The following EDNRA variants were observed in gnomAD, a reference collection of about 807,000 sequenced individuals.
EDNRA encodes endothelin receptor type A.
A neutral mutation model predicts 41.4 loss-of-function variants in EDNRA; 11 were observed. That is an observed-to-expected ratio of 0.27 (90% CI 0.17 to 0.44). The LOEUF (loss-of-function observed/expected upper bound fraction) is 0.44, where lower values mean the gene tolerates loss of function less well. Among genes scored for constraint, EDNRA ranks in the 20% least tolerant of loss-of-function variants. The pLI is 1.00. For missense variants in EDNRA, 294 were observed against 531.0 expected, an observed-to-expected ratio of 0.55 and a Z score of 4.39; for synonymous variants, 172 against 183.0, an observed-to-expected ratio of 0.94 and a Z score of 0.49.
chr4:147,527,782 A>G (rs1730605831), intron 3 of EDNRA, among the ~76,000 whole-genome samples: 1 of 152,158 alleles, frequency 6.6e-6, no homozygotes, highest in Admixed American at 6.5e-5. Context: ...CTATCACATG[A>G]CAGGGTACAA....
intron 2 of EDNRA, chr4:147,506,637 CA>C: frequency 9.3e-6 from 3 of 320,970 alleles, no homozygotes; most frequent in African/African-American, 2.2e-5. Flanking sequence ...GTGGACATCA[CA>C]AAACAACCTG....
intron 4 of EDNRA, 98 bp from the exon 5 acceptor site, chr4:147,535,779 C>T (rs563669231): frequency 3.5e-5 from 50 of 1,438,194 alleles, no homozygotes; most frequent in Non-Finnish European, 4.5e-5. Flanking sequence ...ACAGATGTAT[C>T]TGCAAGTTTA....
chr4:147,518,193 T>C (rs1730181893), intron 2 of EDNRA, among the ~76,000 whole-genome samples: 1 of 152,194 alleles, frequency 6.6e-6, no homozygotes, highest in Admixed American at 6.5e-5. Context: ...AGTTTTCAGG[T>C]TTTCTTGTTT....
chr4:147,517,381 A>G (rs1215629314), intron 2 of EDNRA, among the ~76,000 whole-genome samples: 1 of 152,172 alleles, frequency 6.6e-6, no homozygotes, highest in Non-Finnish European at 1.5e-5. Flanking sequence ...GAAGAGATTA[A>G]CAAGCGGGTT....
rs375940788 is a variant in EDNRA, at chr4:147,541,636, A to T, written c.1144-842A>T. On this transcript the variant is annotated intron_variant, in intron 7 of 7. Transcript: ENST00000651419. ...GGGACAGAGTAGAGAGGAAAAACAC[A>T]GTAACGACCTGCATGGAACTTACAG... is the stretch of plus-strand genomic sequence containing the variant. Among the ~76,000 whole-genome samples the T allele has an allele frequency of 1.3e-5, 2 of 152,222 alleles. 1 individual carries two copies. The highest frequency in any genetic ancestry group is 4.8e-5 in the African/African-American group (2 of 41,460).
chr4:147,505,326 C>CTTTTTTTTTTTTTTTTTTT (rs1729660192), intron 2 of EDNRA, among the ~76,000 whole-genome samples: 20 of 81,996 alleles, frequency 2.4e-4, no homozygotes, highest in African/African-American at 1.0e-3. Context: ...TTTCTTTTTT[C>CTTTTTTTTTTTTTTTTTTT]ATTTTTTTTT....
chr4:147,533,007 G>A (rs1469859219), intron 4 of EDNRA, among the ~76,000 whole-genome samples: 1 of 129,306 alleles, frequency 7.7e-6, no homozygotes, highest in African/African-American at 3.5e-5. Context: ...GTGTGTGTAT[G>A]TGTGTGTGTG....
chr4:147,535,671 G>A (rs1730895102), intron 4 of EDNRA, among the ~76,000 whole-genome samples: 1 of 152,082 alleles, frequency 6.6e-6, no homozygotes, highest in Non-Finnish European at 1.5e-5. Flanking sequence ...GTTTCTTTAT[G>A]TGCTGTTTAA....
chr4:147,508,734 C>T (rs1468056597), intron 2 of EDNRA, among the ~76,000 whole-genome samples: 1 of 152,104 alleles, frequency 6.6e-6, no homozygotes, highest in African/African-American at 2.4e-5. Flanking sequence ...TTGCCTTGGA[C>T]CTTTATTAAA....
intron 2 of EDNRA, among the ~76,000 whole-genome samples, chr4:147,487,253 G>A (rs1728980399): frequency 6.6e-6 from 1 of 152,084 alleles, no homozygotes. Flanking sequence ...AGATTTGGAG[G>A]GGACAAACAT....
chr4:147,523,647 C>T (rs558982023), intron 3 of EDNRA, among the ~76,000 whole-genome samples: 41 of 151,916 alleles, frequency 2.7e-4, no homozygotes, highest in African/African-American at 8.4e-4. Flanking sequence ...CCCACCACCA[C>T]GCCCGGCTTA....
At chr4:147,482,326 G>C (rs1728792984) in intron 1 of EDNRA, among the ~76,000 whole-genome samples, 1 of 152,222 alleles carries the variant, frequency 6.6e-6, no homozygotes, top group South Asian at 2.1e-4. Context: ...AATGGTTAAA[G>C]TGTAAGCGTA....
Position 147,535,943 on chromosome 4 carries a change from G to T in EDNRA, c.814G>T (p.Ala272Ser). 6.2e-7 allele frequency: 1 copy of T among 1,613,458 alleles called. No individual in the cohort carries two copies. Among genetic ancestry groups the T allele is most frequent in the Non-Finnish European group, 8.5e-7 (1 of 1,179,842 alleles). The change falls in exon 5 of 8, where the codon GCG becomes TCG. Residue 272 changes from alanine (A) to serine (S), a missense_variant. Physicochemically the swap from Ala to Ser is moderately conservative, Grantham distance 99. Around this residue, in one of 3 missense-constraint regions of EDNRA, gnomAD observed 185 missense variants for 390.8 expected, o/e 0.47. Transcript: ENST00000651419. ...TTTCTGTATGCCCTTGGTGTGCACT[G>T]CGATCTTCTACACCCTCATGACTTG... ...FYFCMPLVCT[A>S]IFYTLMTCEM...
At chr4:147,520,396 A>G (rs773943311) in intron 3 of EDNRA, 4 of 519,218 alleles carry the variant, frequency 7.7e-6, no homozygotes, top group African/African-American at 7.7e-5. Context: ...CCATATTGCT[A>G]TGTTCTTCAC....
Position 147,532,710 on chromosome 4 carries a change from A to T in EDNRA, c.747+6A>T. 6.8e-6 allele frequency: 11 copies of T among 1,613,898 alleles called. No individual in the cohort carries two copies. Among genetic ancestry groups the T allele is most frequent in the Non-Finnish European group, 9.3e-6 (11 of 1,179,884 alleles). On this transcript the variant is annotated splice_donor_region_variant and intron_variant, in intron 4 of 7. Coordinates refer to ENST00000651419, the MANE Select transcript of EDNRA (RefSeq NM_001957.4). Reference sequence around the variant, plus strand: ...CCACATCAAAATTCATGGAGGTACTAAACGTTTAAAAGGAATTAACTGGGG... The same window carrying T: ...CCACATCAAAATTCATGGAGGTACTTAACGTTTAAAAGGAATTAACTGGGG...
rs141929438 is a variant in EDNRA at position 147,523,062 on chromosome 4, G to A, written c.548+3084G>A. ...CATTTAGTTGAAAGAGTTAAGTTTT[G>A]TCTAAAGATTTGAAGTCAGCAAATG... On this transcript the variant is annotated intron_variant, in intron 3 of 7. Transcript: ENST00000651419. Among the ~76,000 whole-genome samples, 13 of 152,344 alleles carry A rather than the reference G, an allele frequency of 8.5e-5. No individual in the cohort carries two copies. The East Asian group carries it at 2.5e-3, about 29-fold the overall frequency.
At chr4:147,482,382 C>G (rs1357681762) in intron 1 of EDNRA, among the ~76,000 whole-genome samples, 1 of 152,192 alleles carries the variant, frequency 6.6e-6, no homozygotes, top group Non-Finnish European at 1.5e-5. Context: ...ACTCCCCAAA[C>G]TCTCAGATTC....
chr4:147,497,185 T>TG (rs1197724362), intron 2 of EDNRA, among the ~76,000 whole-genome samples: 2 of 122,494 alleles, frequency 1.6e-5, no homozygotes, highest in Non-Finnish European at 3.3e-5. Flanking sequence ...TGTTTAGAGA[T>TG]GGGGTCTTGC....
intron 2 of EDNRA, chr4:147,492,776 A>G (rs1443173405): frequency 6.6e-6 from 1 of 152,148 alleles, no homozygotes; most frequent in Admixed American, 6.5e-5. Flanking sequence ...ATATATGTAC[A>G]TATAAAATGA....
Sources: allele counts gnomAD v4.1 joint callset (sites outside exome capture counted in the v4.1 genomes callset), GRCh38; gene constraint gnomAD v4.1.1; regional missense constraint gnomAD v4.1.1; transcripts MANE v1.5; gene names NCBI Gene and HGNC (gene_info 2026-07-23, HGNC 2026-07-21).